Variants in HSD17B12 observed in about 807,000 individuals in gnomAD.
HSD17B12 encodes very-long-chain 3-oxoacyl-CoA reductase.
A neutral mutation model predicts 39.3 loss-of-function variants in HSD17B12; 32 were observed. The observed-to-expected ratio is 0.81, with a 90% CI of 0.61 to 1.09. The LOEUF is 1.09. HSD17B12 is among the 50% of genes least tolerant of loss of function. The probability of loss-of-function intolerance (pLI) is 0.00; values close to 1 mark genes in which losing one functional copy is unlikely to be tolerated. For synonymous variants in HSD17B12, 150 were observed against 146.7 expected (o/e 1.02, Z -0.16); for missense variants, 342 against 382.9 (o/e 0.89, Z 0.89).
chr11:43,600,372 A>G, the HSD17B12 span, among the ~76,000 whole-genome samples: 1 of 150,706 alleles, frequency 6.6e-6, no homozygotes, highest in Non-Finnish European at 1.5e-5. Flanking sequence ...ATTATTTTAT[A>G]TATGCTGCCT....
At chr11:43,784,859 A>G (rs1950801003) in intron 3 of HSD17B12, among the ~76,000 whole-genome samples, 1 of 152,212 alleles carries the variant, frequency 6.6e-6, no homozygotes, top group Non-Finnish European at 1.5e-5. Flanking sequence ...CTGGGTCTTA[A>G]AAGCCTTTTT....
At chr11:43,734,444 G>T in intron 1 of HSD17B12, 2 of 730,696 alleles carry the variant, frequency 2.7e-6, no homozygotes, top group East Asian at 2.7e-5. Context: ...GGCCACCGCA[G>T]GGGACAGCCT....
chr11:43,763,652 T>G (rs764937230), intron 3 of HSD17B12, among the ~76,000 whole-genome samples: 68 of 147,068 alleles, frequency 4.6e-4, no homozygotes, highest in African/African-American at 1.1e-3. Flanking sequence ...GATATATATA[T>G]AGAGAGAGAG....
chr11:43,677,704 G>A (rs1590650051), upstream of HSD17B12, among the ~76,000 whole-genome samples: 6 of 117,670 alleles, frequency 5.1e-5, no homozygotes, highest in South Asian at 1.8e-3. Flanking sequence ...TTGGGTTTTT[G>A]TCCTTGCGAT....
At position 43,680,831 on chromosome 11, in the gene HSD17B12, G is replaced by C; in HGVS notation, c.4G>C (p.Glu2Gln). 1.2e-6 allele frequency: 2 copies of C among 1,613,994 alleles called. No individual in the cohort carries two copies. Among genetic ancestry groups the C allele is most frequent in the Non-Finnish European group, 1.7e-6 (2 of 1,179,900 alleles). ...TAGTGAGGCCTAGTGGAAAGCCATG[G>C]AGAGCGCTCTCCCCGCCGCCGGCTT... M[E>Q]SALPAAGFLY... Residue 2 changes from glutamate to glutamine, a missense_variant, in exon 1 of 11, where the codon GAG (glutamate) becomes CAG (glutamine). Coordinates refer to ENST00000278353, the MANE Select transcript of HSD17B12 (RefSeq NM_016142.3).
the HSD17B12 span, chr11:43,640,930 T>TG: frequency 1.4e-5 from 2 of 145,758 alleles, no homozygotes; most frequent in Non-Finnish European, 3.1e-5. Flanking sequence ...ATCATTTACT[T>TG]GTTTTTTTTT....
chr11:43,682,914 C>T (rs1454766787), intron 1 of HSD17B12, among the ~76,000 whole-genome samples: 1 of 151,816 alleles, frequency 6.6e-6, no homozygotes, highest in East Asian at 1.9e-4. Context: ...ATGTGAGCCT[C>T]CTGAGTAGCT....
At chr11:43,682,343 G>A (rs1188499356) in intron 1 of HSD17B12, among the ~76,000 whole-genome samples, 1 of 152,176 alleles carries the variant, frequency 6.6e-6, no homozygotes, top group Non-Finnish European at 1.5e-5. Context: ...ACAAGGTCAG[G>A]AGTTTGAGAC....
intron 1 of HSD17B12, among the ~76,000 whole-genome samples, chr11:43,733,479 A>C (rs1950288023): frequency 6.6e-6 from 1 of 152,202 alleles, no homozygotes; most frequent in Non-Finnish European, 1.5e-5. Context: ...GGCACTTGAT[A>C]CATTTAGATT....
chr11:43,656,983 C>G, the HSD17B12 span, among the ~76,000 whole-genome samples: 2 of 152,098 alleles, frequency 1.3e-5, no homozygotes, highest in African/African-American at 2.4e-5. Flanking sequence ...ATTGATCTGT[C>G]TAATGTTGAC....
the HSD17B12 span, among the ~76,000 whole-genome samples, chr11:43,564,895 CTTCTTTTTTTTTT>C: frequency 4.4e-5 from 5 of 113,604 alleles, no homozygotes; most frequent in Non-Finnish European, 6.2e-5. Flanking sequence ...AGTCTTTCTT[CTTCTTTTTTTTTT>C]TTTTTTTTTG....
chr11:43,804,615 C>T (rs940862746), intron 4 of HSD17B12, among the ~76,000 whole-genome samples: 3 of 152,100 alleles, frequency 2.0e-5, no homozygotes, highest in Non-Finnish European at 4.4e-5. Context: ...TGAATGCAAA[C>T]TCTTTGTTAT....
chr11:43,783,720 G>A (rs188213751), intron 3 of HSD17B12, among the ~76,000 whole-genome samples: 29 of 151,954 alleles, frequency 1.9e-4, no homozygotes, highest in African/African-American at 3.1e-4. Context: ...GGTTTCCAGC[G>A]TCATCCATGT....
the HSD17B12 span, among the ~76,000 whole-genome samples, chr11:43,664,016 A>G: frequency 6.6e-6 from 1 of 151,770 alleles, no homozygotes; most frequent in Non-Finnish European, 1.5e-5. Flanking sequence ...TGCCTGGCTA[A>G]TTTCTGTATT....
At chr11:43,655,650 T>C in the HSD17B12 span, among the ~76,000 whole-genome samples, 9 of 152,222 alleles carry the variant, frequency 5.9e-5, no homozygotes, top group Non-Finnish European at 8.8e-5. Flanking sequence ...CTTTTCTGCA[T>C]CTATTGAGAT....
At chr11:43,607,472 T>C in the HSD17B12 span, among the ~76,000 whole-genome samples, 1 of 152,210 alleles carries the variant, frequency 6.6e-6, no homozygotes, top group Non-Finnish European at 1.5e-5. Context: ...TGCTTTTATT[T>C]TATCCTAATA....
At chr11:43,709,513 A>G (rs1044584661) in intron 1 of HSD17B12, among the ~76,000 whole-genome samples, 7 of 152,186 alleles carry the variant, frequency 4.6e-5, no homozygotes, top group African/African-American at 1.7e-4. Context: ...CTCTGACTTA[A>G]TGTCTTTGAT....
chr11:43,616,407 TA>T, the HSD17B12 span, among the ~76,000 whole-genome samples: 1 of 63,646 alleles, frequency 1.6e-5, no homozygotes, highest in African/African-American at 4.6e-5. Context: ...AGACTCCATC[TA>T]AAAAAAAAAC....
At chr11:43,575,204 T>A in the HSD17B12 span, among the ~76,000 whole-genome samples, 1 of 152,210 alleles carries the variant, frequency 6.6e-6, no homozygotes, top group South Asian at 2.1e-4. This position sits in a 1 kb window ranked among gnomAD's most constrained non-coding sequence, Gnocchi z 4.1. Context: ...GGATCATTGC[T>A]CTCTGGGAAG....
Sources: gnomAD v4.1 joint callset for allele counts (sites outside exome capture counted in the v4.1 genomes callset) on GRCh38, gnomAD v4.1.1 for gene constraint, Gnocchi (gnomAD v3.1) non-coding constraint, MANE v1.5 for transcripts, NCBI Gene and HGNC (gene_info 2026-07-23, HGNC 2026-07-21) for gene names.